Variants in PTPRS observed in about 807,000 individuals in gnomAD.
PTPRS encodes receptor-type tyrosine-protein phosphatase S.
A neutral mutation model predicts 215.3 loss-of-function variants in PTPRS; 63 were observed. The ratio of observed to expected loss-of-function variants is 0.29; its 90% CI spans 0.24 to 0.36. The LOEUF is 0.36. PTPRS is among the 10% of genes least tolerant of loss of function. The pLI, the probability that PTPRS is intolerant of heterozygous loss-of-function variation, is 1.00. For synonymous variants in PTPRS, 1,404 were observed against 1,191.4 expected (o/e 1.18, Z -3.68); for missense variants, 2,258 against 2,825.8 (o/e 0.80, Z 4.56).
At chr19:5,233,983 A>G (rs1396717047) in intron 13 of PTPRS, among the ~76,000 whole-genome samples, 1 of 133,446 alleles carries the variant, frequency 7.5e-6, no homozygotes, top group Non-Finnish European at 1.6e-5. Context: ...AAAAATCTAT[A>G]TGTCACACAC....
chr19:5,271,820 G>T (rs2046937636), intron 4 of PTPRS, among the ~76,000 whole-genome samples: 1 of 150,556 alleles, frequency 6.6e-6, no homozygotes, highest in Non-Finnish European at 1.5e-5. Flanking sequence ...CGCCTCTTGG[G>T]TTCAAGCAAC....
At chr19:5,291,837 A>G (rs750778411) in intron 1 of PTPRS, among the ~76,000 whole-genome samples, 3 of 151,830 alleles carry the variant, frequency 2.0e-5, no homozygotes, top group South Asian at 2.1e-4. Context: ...CAGCCTCCAG[A>G]GCTGCCAGCC....
At chr19:5,271,030 A>C (rs1257712687) in intron 4 of PTPRS, among the ~76,000 whole-genome samples, 1 of 152,200 alleles carries the variant, frequency 6.6e-6, no homozygotes, top group African/African-American at 2.4e-5. Context: ...GAGTACTACT[A>C]GGGCCGCTGT....
chr19:5,232,759 A>AACTGTGGTAAGGC (rs66701471), intron 13 of PTPRS, among the ~76,000 whole-genome samples: 3 of 150,204 alleles, frequency 2.0e-5, no homozygotes, highest in East Asian at 2.0e-4. Context: ...ACCTACTAAT[A>AACTGTGGTAAGGC]ATTGTGGTAA....
chr19:5,240,095 G>A (rs777462886), intron 12 of PTPRS, 104 bp downstream of exon 12: 14 of 1,298,964 alleles, frequency 1.1e-5, no homozygotes, highest in East Asian at 5.9e-5. Flanking sequence ...AGCAGAATCC[G>A]CAGCACACAT....
intron 37 of PTPRS, among the ~76,000 whole-genome samples, 158 bp from the exon 38 acceptor site, chr19:5,207,000 A>G (rs1203562256): frequency 6.6e-6 from 1 of 152,196 alleles, no homozygotes; most frequent in African/African-American, 2.4e-5. Context: ...GAAGTGAGCT[A>G]TGCCACACCT....
intron 1 of PTPRS, among the ~76,000 whole-genome samples, chr19:5,305,597 C>T (rs548199156): frequency 6.6e-6 from 1 of 150,548 alleles, no homozygotes; most frequent in South Asian, 2.1e-4. Context: ...GACACGGTGG[C>T]TCATGCCTCT....
chr19:5,285,173 G>T (rs904182495), intron 2 of PTPRS, among the ~76,000 whole-genome samples: 3 of 152,144 alleles, frequency 2.0e-5, no homozygotes, highest in Non-Finnish European at 4.4e-5. Context: ...TGTGACAGTG[G>T]GTAAGGGAGG....
intron 1 of PTPRS, among the ~76,000 whole-genome samples, chr19:5,300,158 T>C (rs1222461275): frequency 6.9e-6 from 1 of 145,434 alleles, no homozygotes; most frequent in Non-Finnish European, 1.5e-5. Flanking sequence ...TGAGAATTGC[T>C]AGAACCCAGG....
intron 14 of PTPRS, among the ~76,000 whole-genome samples, 192 bp from the exon 15 acceptor site, chr19:5,229,876 C>G (rs2042873105): frequency 6.6e-6 from 1 of 150,832 alleles, no homozygotes; most frequent in African/African-American, 2.5e-5. Flanking sequence ...GGGAGGGGCC[C>G]CTGAAGGTGC....
intron 2 of PTPRS, among the ~76,000 whole-genome samples, chr19:5,285,274 C>T (rs1011060911): frequency 6.6e-6 from 1 of 152,354 alleles, no homozygotes; most frequent in Non-Finnish European, 1.5e-5. Context: ...TCTTGCCCTA[C>T]TGCCCTCATC....
At chr19:5,276,101 T>C (rs1216943915) in intron 2 of PTPRS, among the ~76,000 whole-genome samples, 1 of 152,238 alleles carries the variant, frequency 6.6e-6, no homozygotes, top group African/African-American at 2.4e-5. Context: ...AGCCAGGCGG[T>C]GGCTGAGCTG....
intron 2 of PTPRS, among the ~76,000 whole-genome samples, chr19:5,281,429 C>G (rs2047838837): frequency 6.6e-6 from 1 of 152,150 alleles, no homozygotes; most frequent in South Asian, 2.1e-4. Flanking sequence ...CCATTGCACT[C>G]CAGCCTGGGG....
At chr19:5,220,872 C>T in intron 20 of PTPRS, 128 bp downstream of exon 20, 2 of 1,130,394 alleles carry the variant, frequency 1.8e-6, no homozygotes, top group South Asian at 1.5e-5. Context: ...ACCCCATGAA[C>T]TAGGGCTGAT....
At chr19:5,219,527 G>C in intron 22 of PTPRS, 60 bp from the exon 23 acceptor site, 13 of 1,494,168 alleles carry the variant, frequency 8.7e-6, no homozygotes, top group Non-Finnish European at 1.2e-5. Context: ...GGCCAGATGG[G>C]TCTTTCTCAA....
chr19:5,319,836 C>A (rs1184027610), intron 1 of PTPRS, among the ~76,000 whole-genome samples: 4 of 152,060 alleles, frequency 2.6e-5, no homozygotes, highest in African/African-American at 9.7e-5. Context: ...CTCAATGAAG[C>A]CGTCCCTACA....
chr19:5,272,595 C>CAAAAAAAAAAAAAAAAAAAAAAAA (rs10527451), intron 4 of PTPRS, among the ~76,000 whole-genome samples: 8 of 73,444 alleles, frequency 1.1e-4, no homozygotes, highest in Non-Finnish European at 1.8e-4. Flanking sequence ...AAGACTGTCT[C>CAAAAAAAAAAAAAAAAAAAAAAAA]AAAAAAAAAA....
At chr19:5,269,236 C>G (rs1315556705) in intron 4 of PTPRS, among the ~76,000 whole-genome samples, 1 of 152,146 alleles carries the variant, frequency 6.6e-6, no homozygotes. Context: ...TGTGGCCCCG[C>G]AGGGGTCCCC....
chr19:5,297,152 T>A (rs116325160), intron 1 of PTPRS, among the ~76,000 whole-genome samples: 1 of 152,084 alleles, frequency 6.6e-6, no homozygotes, highest in African/African-American at 2.4e-5. Context: ...AACGTTCCAT[T>A]GATATGTCCT....
Sources: gnomAD v4.1 joint callset for allele counts (sites outside exome capture counted in the v4.1 genomes callset) on GRCh38, gnomAD v4.1.1 for gene constraint, MANE v1.5 for transcripts, NCBI Gene and HGNC (gene_info 2026-07-23, HGNC 2026-07-21) for gene names.